ARHGAP22: variants seen among roughly 807,000 people sequenced by gnomAD.
The protein encoded by ARHGAP22 is rho GTPase-activating protein 22.
ARHGAP22 carries 48 observed loss-of-function variants against 59.1 expected under a neutral mutation model. That is an observed-to-expected ratio of 0.81 (90% CI 0.64 to 1.03). ARHGAP22 has a LOEUF of 1.03. Among genes scored for constraint, ARHGAP22 ranks in the 50% least tolerant of loss-of-function variants. The probability of loss-of-function intolerance (pLI) is 0.00; values close to 1 mark genes in which losing one functional copy is unlikely to be tolerated. For missense variants in ARHGAP22, 1,015 were observed against 958.7 expected (o/e 1.06, Z -0.78); for synonymous variants, 445 against 416.4 (o/e 1.07, Z -0.84).
chr10:48,496,883 C>T (rs1185615818), intron 3 of ARHGAP22, among the ~76,000 whole-genome samples: 1 of 152,094 alleles, frequency 6.6e-6, no homozygotes, highest in African/African-American at 2.4e-5. Flanking sequence ...CCAAGGTGCC[C>T]TAACTGCCAC....
At chr10:48,524,228 C>A (rs2054110551) in intron 3 of ARHGAP22, 1 of 483,874 alleles carries the variant, frequency 2.1e-6, no homozygotes, top group Non-Finnish European at 2.7e-6. Context: ...GCGGGACCGC[C>A]GGCCCGCGGC....
intron 1 of ARHGAP22, among the ~76,000 whole-genome samples, chr10:48,588,263 C>T (rs1229130393): frequency 6.6e-6 from 1 of 152,114 alleles, no homozygotes. Flanking sequence ...TTCCACCTGC[C>T]CCACCCTGCA....
intron 1 of ARHGAP22, among the ~76,000 whole-genome samples, chr10:48,637,446 G>A (rs187065602): frequency 6.6e-6 from 1 of 151,936 alleles, no homozygotes; most frequent in African/African-American, 2.4e-5. Flanking sequence ...TGGGTGAATG[G>A]GTGGATTTGT....
intron 1 of ARHGAP22, among the ~76,000 whole-genome samples, chr10:48,597,769 G>A (rs193129044): frequency 1.3e-5 from 2 of 152,240 alleles, no homozygotes; most frequent in African/African-American, 4.8e-5. Flanking sequence ...GCCTGGGATC[G>A]GTAAAATCAA....
At chr10:48,583,595 C>T (rs1279236251) in intron 1 of ARHGAP22, among the ~76,000 whole-genome samples, 4 of 152,202 alleles carry the variant, frequency 2.6e-5, no homozygotes, top group African/African-American at 9.7e-5. Flanking sequence ...TTCTAGTTTT[C>T]CAGGGGACAA....
intron 3 of ARHGAP22, among the ~76,000 whole-genome samples, chr10:48,531,446 T>A (rs891787796): frequency 6.6e-6 from 1 of 152,184 alleles, no homozygotes; most frequent in Non-Finnish European, 1.5e-5. Context: ...AAGGAAAATA[T>A]GTGTTGTTTT....
chr10:48,636,054 C>G (rs1234815801), intron 1 of ARHGAP22, among the ~76,000 whole-genome samples: 1 of 152,224 alleles, frequency 6.6e-6, no homozygotes, highest in Admixed American at 6.5e-5. Context: ...TCCTTACTCT[C>G]TCTCTCTTTT....
intron 5 of ARHGAP22, among the ~76,000 whole-genome samples, chr10:48,456,416 A>G (rs1377581959): frequency 6.7e-6 from 1 of 150,220 alleles, no homozygotes; most frequent in African/African-American, 2.5e-5. Context: ...CCCCCATCCC[A>G]CCCTCCTTCC....
At chr10:48,447,038 A>G (rs577415034) in intron 9 of ARHGAP22, among the ~76,000 whole-genome samples, 1 of 151,976 alleles carries the variant, frequency 6.6e-6, no homozygotes, top group South Asian at 2.1e-4. Flanking sequence ...AGCTCCCCAC[A>G]CTGTCCCCAT....
At chr10:48,617,777 G>T (rs771355190) in intron 1 of ARHGAP22, among the ~76,000 whole-genome samples, 3 of 151,862 alleles carry the variant, frequency 2.0e-5, no homozygotes, top group Non-Finnish European at 4.4e-5. Context: ...TGCCTCTCAA[G>T]AATCTAGAAA....
intron 1 of ARHGAP22, among the ~76,000 whole-genome samples, chr10:48,585,346 C>A (rs4572084): frequency 0.73 from 110,313 of 152,092 alleles, 40,633 homozygotes; most frequent in East Asian, 0.99. Flanking sequence ...GAGCTCCGGG[C>A]CTTCACGGCC....
intron 8 of ARHGAP22, chr10:48,451,562 A>G (rs1431854215): frequency 4.3e-6 from 3 of 701,958 alleles, no homozygotes; most frequent in African/African-American, 3.5e-5. Context: ...GAATGTCCAC[A>G]CTCTGGGAGC....
chr10:48,489,827 A>G (rs1160925785), intron 3 of ARHGAP22, among the ~76,000 whole-genome samples: 4 of 146,822 alleles, frequency 2.7e-5, no homozygotes, highest in Non-Finnish European at 5.9e-5. Flanking sequence ...TCCGCCTCCT[A>G]GGTTCACGCC....
intron 3 of ARHGAP22, among the ~76,000 whole-genome samples, chr10:48,517,769 C>T (rs1016579036): frequency 6.6e-6 from 1 of 152,200 alleles, no homozygotes; most frequent in African/African-American, 2.4e-5. Context: ...TGTCCTGTTG[C>T]TAGGCACACC....
At chr10:48,569,298 C>A (rs2058254039) in intron 2 of ARHGAP22, among the ~76,000 whole-genome samples, 1 of 152,190 alleles carries the variant, frequency 6.6e-6, no homozygotes, top group Non-Finnish European at 1.5e-5. Context: ...CTGCATTTTG[C>A]TGAGGAAGGC....
chr10:48,556,068 C>A (rs2057291353), intron 2 of ARHGAP22, among the ~76,000 whole-genome samples: 1 of 152,148 alleles, frequency 6.6e-6, no homozygotes, highest in African/African-American at 2.4e-5. Flanking sequence ...CAGAGAGTGC[C>A]AGGTGCCTGG....
chr10:48,464,562 G>A (rs1402244443), intron 4 of ARHGAP22, among the ~76,000 whole-genome samples: 1 of 152,238 alleles, frequency 6.6e-6, no homozygotes, highest in East Asian at 1.9e-4. Context: ...GGGCGTCAGA[G>A]GGCAGGGGTG....
intron 2 of ARHGAP22, among the ~76,000 whole-genome samples, chr10:48,568,630 G>A (rs1026266490): frequency 6.6e-6 from 1 of 152,256 alleles, no homozygotes; most frequent in African/African-American, 2.4e-5. Context: ...TGGGACTCAG[G>A]TGGATATGGG....
intron 2 of ARHGAP22, among the ~76,000 whole-genome samples, chr10:48,564,630 A>G (rs895792826): frequency 2.0e-5 from 3 of 152,232 alleles, no homozygotes; most frequent in African/African-American, 7.2e-5. Flanking sequence ...GGCTGCTGCC[A>G]TCTGACTACC....
Sources: gnomAD v4.1 joint callset for allele counts (sites outside exome capture counted in the v4.1 genomes callset) on GRCh38, gnomAD v4.1.1 for gene constraint, MANE v1.5 for transcripts, NCBI Gene and HGNC (gene_info 2026-07-23, HGNC 2026-07-21) for gene names.